Variants in RSAD1 observed in about 807,000 individuals in gnomAD.
RSAD1 encodes the protein radical S-adenosyl methionine domain-containing protein 1, mitochondrial.
RSAD1 carries 34 observed loss-of-function variants against 46.2 expected under a neutral mutation model. That is an observed-to-expected ratio of 0.74 (90% CI 0.56 to 0.98). The LOEUF is 0.98. Ranked by LOEUF, RSAD1 falls within the 50% of genes least tolerant of loss-of-function variation. The pLI is 0.00. For synonymous variants in RSAD1, 260 were observed against 253.5 expected, an observed-to-expected ratio of 1.03 and a Z score of -0.24; for missense variants, 635 against 592.3, an observed-to-expected ratio of 1.07 and a Z score of -0.75.
In RSAD1 at chr17:50,482,704, C is replaced by G; in HGVS notation, c.902C>G (p.Pro301Arg). Residue 301 changes from proline to arginine, a missense_variant and splice_region_variant, in exon 5 of 9, where the codon CCT (proline) becomes CGT (arginine). Pro to Arg is a moderately radical substitution (Grantham distance 103). Transcript: ENST00000258955. ...TGTGGTCAGTACCTTGGCGTTGGGCCTGGTGAGTCCCGTGAACTACAGAAA... is the reference window on the plus strand; with the variant it reads ...TGTGGTCAGTACCTTGGCGTTGGGCGTGGTGAGTCCCGTGAACTACAGAAA... ...WQCGQYLGVG[P>R]GAHGRFMPQG... is the part of the protein sequence containing the mutation. 5.0e-6 allele frequency: 8 copies of G among 1,613,922 alleles called. No individual in the cohort carries two copies. Among genetic ancestry groups the G allele is most frequent in the Non-Finnish European group, 6.8e-6 (8 of 1,179,914 alleles).
chr17:50,484,034 T>G, intron 7 of RSAD1: 1 of 501,838 alleles, frequency 2.0e-6, no homozygotes, highest in Non-Finnish European at 3.5e-6. Flanking sequence ...TTAACCTCAA[T>G]TTTCTGAGCT....
intron 7 of RSAD1, 199 bp downstream of exon 7, chr17:50,483,959 C>T: frequency 1.8e-6 from 1 of 561,320 alleles, no homozygotes; most frequent in Non-Finnish European, 3.1e-6. Flanking sequence ...TAGACCAGGG[C>T]TGCAGAGACC....
intron 3 of RSAD1, 87 bp downstream of exon 3, chr17:50,480,171 T>G: frequency 7.2e-7 from 1 of 1,394,098 alleles, no homozygotes; most frequent in Non-Finnish European, 1.0e-6. Context: ...TGGGCAAACA[T>G]TGATTGAGCA....
In RSAD1 at chr17:50,483,465, G is replaced by T; in HGVS notation, c.1030G>T (p.Val344Phe). Reference sequence around the variant, plus strand: ...GTTTGGCCATGGCACCCGGAAGCGTGTCCCCCTGGGCAGGCTGGAGCTGTG... The same window carrying T: ...GTTTGGCCATGGCACCCGGAAGCGTTTCCCCCTGGGCAGGCTGGAGCTGTG... ...MLFGHGTRKR[V>F]PLGRLELLEE... The change falls in exon 6 of 9, where the codon GTC becomes TTC. Residue 344 changes from valine to phenylalanine, a missense_variant. Transcript: ENST00000258955. 1 of 1,613,130 alleles carries T rather than the reference G, an allele frequency of 6.2e-7. No homozygotes were observed. The highest frequency in any genetic ancestry group is 8.5e-7 in the Non-Finnish European group (1 of 1,179,570).
chr17:50,481,844 C>T (rs1054365145), intron 3 of RSAD1, among the ~76,000 whole-genome samples: 2 of 152,158 alleles, frequency 1.3e-5, no homozygotes, highest in East Asian at 1.9e-4. Context: ...CCTCAGTTTT[C>T]TCATCTGTAA....
intron 3 of RSAD1, 164 bp downstream of exon 3, chr17:50,480,248 GCTGTCATAGACCACAGA>G: frequency 1.5e-6 from 1 of 683,346 alleles, no homozygotes; most frequent in South Asian, 1.8e-5. Context: ...ATTGTCTGCT[GCTGTCATAGACCACAGA>G]CTTTATGAGA....
intron 5 of RSAD1, among the ~76,000 whole-genome samples, chr17:50,483,131 G>A (rs1467561999): frequency 8.1e-6 from 1 of 123,692 alleles, no homozygotes; most frequent in Non-Finnish European, 1.6e-5. Context: ...TTGACCCCAG[G>A]CGTCCAAGAC....
At chr17:50,479,812 G>C in intron 2 of RSAD1, 50 bp downstream of exon 2, 1 of 1,589,528 alleles carries the variant, frequency 6.3e-7, no homozygotes, top group Non-Finnish European at 8.6e-7. Context: ...TTGGAGGAGT[G>C]GTGGGGGATA....
intron 1 of RSAD1, 86 bp downstream of exon 1, chr17:50,479,105 G>C: frequency 8.0e-7 from 1 of 1,247,192 alleles, no homozygotes; most frequent in Non-Finnish European, 1.0e-6. Context: ...GTGGCGGTTT[G>C]TCACTCTATG....
intron 7 of RSAD1, chr17:50,484,113 G>A (rs1272417696): frequency 4.6e-6 from 2 of 437,508 alleles, no homozygotes; most frequent in Non-Finnish European, 8.1e-6. Context: ...CTCATAGGAA[G>A]CACAGTAGAT....
rs752431650 is a variant in RSAD1, at chr17:50,482,132, C to T, written c.516C>T (p.His172=). 1.9e-6 allele frequency: 3 copies of T among 1,590,052 alleles called. No homozygotes were observed. Among genetic ancestry groups the T allele is most frequent in the Admixed American group, 3.5e-5 (2 of 57,494 alleles). Residue 172 remains histidine (H), a synonymous_variant, in exon 4 of 9, where the codon CAC becomes CAT. Coordinates refer to ENST00000258955, the MANE Select transcript of RSAD1 (RefSeq NM_018346.3). ...DTELRLLGRT[H]SACDALRTLA... is the part of the protein sequence containing the mutation. The stretch of plus-strand genomic sequence containing the variant: ...AGCTCCGGCTGTTGGGACGGACGCA[C>T]TCGGCCTGCGATGCTCTGCGGACGC...
chr17:50,478,947 C>T lies in RSAD1; in HGVS notation c.63C>T (p.Arg21=). 3.6e-6 allele frequency: 5 copies of T among 1,389,252 alleles called. No homozygotes were observed. The highest frequency in any genetic ancestry group is 1.6e-5 in the South Asian group (1 of 60,686). 86.1% of individuals were successfully genotyped at this position (1,389,252 alleles called of 1,614,324 possible). Residue 21 remains arginine, a synonymous_variant, in exon 1 of 9, where the codon CGC becomes CGT. Coordinates refer to ENST00000258955, the MANE Select transcript of RSAD1 (RefSeq NM_018346.3). ...WAAAARAAQR[R]RRVENAGGSP... is the part of the protein sequence containing the mutation. ...CAGCAGCCAGAGCGGCCCAGAGGCG[C>T]CGCCGCGTGGAGAACGCAGGAGGGT...
At chr17:50,483,048 G>T (rs1478154220) in intron 5 of RSAD1, among the ~76,000 whole-genome samples, 3 of 148,076 alleles carry the variant, frequency 2.0e-5, no homozygotes, top group Non-Finnish European at 4.5e-5. Context: ...AAAAAAAAAA[G>T]AAAAAGAAAA....
At chr17:50,481,976 C>CT (rs1567869885) in intron 3 of RSAD1, 115 bp from the exon 4 acceptor site, 1 of 1,295,766 alleles carries the variant, frequency 7.7e-7, no homozygotes, top group Non-Finnish European at 1.0e-6. Flanking sequence ...CCCCTCCTGC[C>CT]TTCCAGCTGC....
Position 50,482,125 on chromosome 17 carries a change from G to A in RSAD1, c.509G>A (p.Arg170Gln), listed in dbSNP as rs750956911. ...GACACTGAGCTCCGGCTGTTGGGAC[G>A]GACGCACTCGGCCTGCGATGCTCTG... The part of the protein sequence containing the change: ...LDDTELRLLG[R>Q]THSACDALRT... The change falls in exon 4 of 9, where the codon CGG becomes CAG. Residue 170 changes from arginine to glutamine, a missense_variant. Arg to Gln is a conservative substitution (Grantham distance 43, BLOSUM62 1). Coordinates refer to ENST00000258955, the MANE Select transcript of RSAD1 (RefSeq NM_018346.3). 1.8e-5 allele frequency: 29 copies of A among 1,586,256 alleles called. No individual in the cohort carries two copies. The highest frequency in any genetic ancestry group is 2.3e-5 in the Non-Finnish European group (27 of 1,163,188).
chr17:50,485,882 C>T lies in RSAD1; in HGVS notation c.*1021C>T, dbSNP rs1204473147. 6.6e-6 allele frequency: 1 copy of T among 152,224 alleles called. No homozygotes were observed. Among genetic ancestry groups the T allele is most frequent in the Non-Finnish European group, 1.5e-5 (1 of 68,056 alleles). 9.4% of individuals were successfully genotyped at this position (152,224 alleles called of 1,614,324 possible). Reference sequence around the variant, plus strand: ...GAAAGGGGAGAGAATTCGGGAAAGACCCAAAGTGTTTGTAATTCTTCTTTG... The same window carrying T: ...GAAAGGGGAGAGAATTCGGGAAAGATCCAAAGTGTTTGTAATTCTTCTTTG... On this transcript the variant is annotated 3_prime_UTR_variant, in exon 9 of 9. Transcript: ENST00000258955.
At chr17:50,479,148 G>A (rs1026367798) in intron 1 of RSAD1, 129 bp downstream of exon 1, 3 of 1,042,856 alleles carry the variant, frequency 2.9e-6, no homozygotes, top group African/African-American at 3.3e-5. Context: ...GCCCCCGTAC[G>A]AGGTCTGGGA....
intron 3 of RSAD1, chr17:50,480,417 A>G (rs998847417): frequency 8.8e-6 from 3 of 341,330 alleles, no homozygotes; most frequent in African/African-American, 4.2e-5. Context: ...TGTCACCTGT[A>G]AAGGGGGTCT....
chr17:50,482,523 A>G lies in RSAD1; in HGVS notation c.840+67A>G. On this transcript the variant is annotated intron_variant, in intron 4 of 8. Transcript: ENST00000258955. ...ACTGCAGTGTGACCAGGGCGTTGTGACCTTCTGAAGAGAAGGATCCTGGCC... is the reference window on the plus strand; with the variant it reads ...ACTGCAGTGTGACCAGGGCGTTGTGGCCTTCTGAAGAGAAGGATCCTGGCC... 3 of 1,609,588 alleles carry G rather than the reference A, an allele frequency of 1.9e-6. No individual in the cohort carries two copies. The South Asian group carries it at 3.3e-5, about 18-fold the overall frequency.
Sources: gnomAD v4.1 joint callset for allele counts (sites outside exome capture counted in the v4.1 genomes callset) on GRCh38, gnomAD v4.1.1 for gene constraint, MANE v1.5 for transcripts, NCBI Gene and HGNC (gene_info 2026-07-23, HGNC 2026-07-21) for gene names.